TLE3: variants seen among roughly 807,000 people sequenced by gnomAD.
The protein encoded by TLE3 is transducin-like enhancer protein 3.
In TLE3, 14 loss-of-function variants were observed where a neutral mutation model predicts 93.0. The ratio of observed to expected loss-of-function variants is 0.15; its 90% CI spans 0.10 to 0.24. The LOEUF is 0.24. Ranked by LOEUF, TLE3 falls within the 10% of genes least tolerant of loss-of-function variation. TLE3 has a pLI of 1.00. For synonymous variants in TLE3, 451 were observed against 425.0 expected, an observed-to-expected ratio of 1.06 and a Z score of -0.75; for missense variants, 693 against 1,046.6, an observed-to-expected ratio of 0.66 and a Z score of 4.66.
In TLE3 at chr15:70,058,876, GC is replaced by G. The variant is rs1311933277; in HGVS notation, c.766-62del. On this transcript the variant is annotated intron_variant, in intron 10 of 19. Transcript: ENST00000451782. The surrounding 1 kb of genome is among the most constrained non-coding windows in gnomAD (Gnocchi z 4.1). ...CAACAGCCAGCCTCGAGGCTTCCCT[GC>G]TCTGGGAGTGGGAAGAGAGAGGGCA... 7 of 1,478,610 alleles carry G rather than the reference GC, an allele frequency of 4.7e-6. No individual in the cohort carries two copies. The highest frequency in any genetic ancestry group is 6.3e-6 in the Non-Finnish European group (7 of 1,117,098). The allele number at this position is 1,478,610 out of a possible 1,614,324, so 91.6% of individuals were successfully genotyped here. A position where few individuals can be genotyped will look rare whatever the true frequency, so the allele number is the denominator to read the frequency against.
chr15:70,085,152 G>C (rs550401115), intron 4 of TLE3, among the ~76,000 whole-genome samples: 1 of 152,170 alleles, frequency 6.6e-6, no homozygotes, highest in African/African-American at 2.4e-5. Context: ...CAGCACTGCC[G>C]CAACAGGCAG....
intron 6 of TLE3, chr15:70,067,028 G>T: frequency 5.4e-6 from 1 of 184,240 alleles, no homozygotes; most frequent in Admixed American, 5.9e-5. Flanking sequence ...AAGCCTCATG[G>T]CAGTAGCTAA....
Position 70,050,026 on chromosome 15 carries a change from C to G in TLE3, c.*71G>C. Reference sequence around the variant, plus strand: ...ATCCTCCGCCATCCTCGGGGCCCCTCGCCTGGGGGTCTCCCTGTCAGAGCC... The same window carrying G: ...ATCCTCCGCCATCCTCGGGGCCCCTGGCCTGGGGGTCTCCCTGTCAGAGCC... On this transcript the variant is annotated 3_prime_UTR_variant, in exon 20 of 20. Transcript: ENST00000451782. The G allele has an allele frequency of 1.4e-6, 2 of 1,415,816 alleles. No individual in the cohort carries two copies. Among genetic ancestry groups the G allele is most frequent in the Non-Finnish European group, 2.0e-6 (2 of 1,005,172 alleles). The allele number at this position is 1,415,816 out of a possible 1,614,324, so 87.7% of individuals were successfully genotyped here. A position where few individuals can be genotyped will look rare whatever the true frequency, so the allele number is the denominator to read the frequency against.
chr15:70,073,894 C>T (rs1488777151), intron 6 of TLE3, among the ~76,000 whole-genome samples: 1 of 152,188 alleles, frequency 6.6e-6, no homozygotes, highest in Non-Finnish European at 1.5e-5. Flanking sequence ...GGGGCCAGTC[C>T]GGAAGTGGGC....
intron 17 of TLE3, chr15:70,052,975 CAAAGT>C: frequency 1.9e-5 from 9 of 473,338 alleles, no homozygotes; most frequent in South Asian, 1.7e-4. Context: ...ACGCCGAGGA[CAAAGT>C]GCTCAATAGC....
At chr15:70,094,173 C>T (rs1256131890) in intron 4 of TLE3, among the ~76,000 whole-genome samples, 1 of 151,442 alleles carries the variant, frequency 6.6e-6, no homozygotes, top group African/African-American at 2.4e-5. Flanking sequence ...AATCCTCCTG[C>T]ATTTCCTCTT....
Position 70,097,406 on chromosome 15 carries a change from G to GC in TLE3, c.-609dup, listed in dbSNP as rs989667894. 11 of 409,674 alleles carry GC rather than the reference G, an allele frequency of 2.7e-5. No individual in the cohort carries two copies. Among genetic ancestry groups the GC allele is most frequent in the South Asian group, 8.7e-5 (1 of 11,470 alleles). 25.4% of individuals were successfully genotyped at this position (409,674 alleles called of 1,614,324 possible). ...GGGAGCCCGGCGCGGGCGCTTCGAC[G>GC]CCCCCCCTCGGAGAGGAGAGCCTGC... On this transcript the variant is annotated 5_prime_UTR_variant, in exon 1 of 20. Transcript: ENST00000451782.
intron 6 of TLE3, among the ~76,000 whole-genome samples, chr15:70,074,137 G>A (rs564945570): frequency 7.9e-5 from 12 of 152,394 alleles, no homozygotes; most frequent in African/African-American, 2.9e-4. Flanking sequence ...AAGAAGGGCA[G>A]ACTTCTGCCA....
At chr15:70,055,360 C>A in intron 14 of TLE3, 62 bp from the exon 15 acceptor site, 1 of 1,525,496 alleles carries the variant, frequency 6.6e-7, no homozygotes, top group Non-Finnish European at 8.8e-7. Context: ...TTCCCATAGG[C>A]CTGGCCCAGG....
intron 10 of TLE3, among the ~76,000 whole-genome samples, chr15:70,059,134 A>G (rs1268588358): frequency 6.6e-6 from 1 of 152,126 alleles, no homozygotes; most frequent in Non-Finnish European, 1.5e-5. Flanking sequence ...ACGGAGGATC[A>G]CGGGGAATAG....
intron 8 of TLE3, among the ~76,000 whole-genome samples, chr15:70,060,951 G>A (rs184953108): frequency 2.6e-5 from 4 of 152,314 alleles, no homozygotes; most frequent in African/African-American, 4.8e-5. Flanking sequence ...GTGGGACTAC[G>A]CTCTGTGAGG....
intron 4 of TLE3, among the ~76,000 whole-genome samples, chr15:70,090,593 T>A (rs79578409): frequency 0.027 from 4,133 of 152,198 alleles, 194 homozygotes; most frequent in African/African-American, 0.095. Flanking sequence ...ATCATTTAGA[T>A]GAGAAGATCC....
Position 70,096,850 on chromosome 15 carries a change from C to T in TLE3, c.-52G>A. 6.5e-7 allele frequency: 1 copy of T among 1,528,892 alleles called. No individual in the cohort carries two copies. Among genetic ancestry groups the T allele is most frequent in the Middle Eastern group, 2.3e-4 (1 of 4,424 alleles). The allele number at this position is 1,528,892 out of a possible 1,614,324, so 94.7% of individuals were successfully genotyped here. ...GCGTGGAAGCGCCGAGAGCCCGGGC[C>T]GGGGAGGTGCGGGGGAGGGGGGAGC... On this transcript the variant is annotated 5_prime_UTR_variant, in exon 1 of 20. Coordinates refer to ENST00000451782, the MANE Select transcript of TLE3 (RefSeq NM_001105192.3).
At chr15:70,086,319 C>G (rs1732300021) in intron 4 of TLE3, among the ~76,000 whole-genome samples, 1 of 152,214 alleles carries the variant, frequency 6.6e-6, no homozygotes, top group South Asian at 2.1e-4. Context: ...CCAAAGCATG[C>G]CCCTGCCAGT....
At chr15:70,056,848 G>A (rs1203885167) in intron 13 of TLE3, among the ~76,000 whole-genome samples, 1 of 152,144 alleles carries the variant, frequency 6.6e-6, no homozygotes, top group Admixed American at 6.5e-5. Flanking sequence ...TGCAACCTCT[G>A]CCTCCCAGGT....
intron 4 of TLE3, among the ~76,000 whole-genome samples, chr15:70,077,807 T>C (rs572338579): frequency 6.6e-6 from 1 of 152,330 alleles, no homozygotes; most frequent in African/African-American, 2.4e-5. Flanking sequence ...AGCACCACTG[T>C]TGGCATTTGG....
At chr15:70,083,862 C>T (rs1333484054) in intron 4 of TLE3, among the ~76,000 whole-genome samples, 2 of 151,962 alleles carry the variant, frequency 1.3e-5, no homozygotes, top group African/African-American at 4.8e-5. Context: ...GAGGGAAGAA[C>T]AAGGTGAGGG....
intron 4 of TLE3, among the ~76,000 whole-genome samples, chr15:70,093,994 G>C (rs2058430472): frequency 6.6e-6 from 1 of 152,148 alleles, no homozygotes; most frequent in Admixed American, 6.5e-5. Context: ...TCAATGCAAG[G>C]CACTGAAGTT....
chr15:70,053,191 T>C (rs895520901), intron 17 of TLE3, 36 bp downstream of exon 17: 1 of 1,595,094 alleles, frequency 6.3e-7, no homozygotes. Flanking sequence ...GGGAACACAC[T>C]GCTCTTTGGG....
Sources: allele counts gnomAD v4.1 joint callset (sites outside exome capture counted in the v4.1 genomes callset), GRCh38; gene constraint gnomAD v4.1.1; non-coding constraint Gnocchi (gnomAD v3.1); transcripts MANE v1.5; gene names NCBI Gene and HGNC (gene_info 2026-07-23, HGNC 2026-07-21).